Variants in TENM3 observed in about 807,000 individuals in gnomAD.
TENM3 encodes teneurin-3.
Under a neutral mutation model 255.1 loss-of-function variants are expected in TENM3, and 63 were observed. The observed-to-expected ratio is 0.25, with a 90% confidence interval of 0.20 to 0.30. The LOEUF (loss-of-function observed/expected upper bound fraction) is 0.30. TENM3 is among the 10% of genes least tolerant of loss of function. The pLI is 1.00. For synonymous variants in TENM3, 1,306 were observed against 1,322.3 expected (o/e 0.99, Z 0.27); for missense variants, 2,929 against 3,461.1 (o/e 0.85, Z 3.86).
chr4:182,513,400 T>A (rs1229165247), intron 3 of TENM3, among the ~76,000 whole-genome samples: 3 of 151,926 alleles, frequency 2.0e-5, no homozygotes, highest in Non-Finnish European at 4.4e-5. Context: ...ATATTAGTGA[T>A]AGGATTATGG....
At chr4:182,494,200 T>C (rs1735550313) in intron 3 of TENM3, among the ~76,000 whole-genome samples, 1 of 152,156 alleles carries the variant, frequency 6.6e-6, no homozygotes, top group Non-Finnish European at 1.5e-5. Context: ...AAGACATCAG[T>C]GTATGATATT....
At chr4:182,536,326 C>G (rs970055992) in intron 3 of TENM3, among the ~76,000 whole-genome samples, 33 of 152,172 alleles carry the variant, frequency 2.2e-4, no homozygotes, top group African/African-American at 6.3e-4. Flanking sequence ...TTTCTTCTAT[C>G]AGTGTGGCCA....
chr4:181,989,254 G>A, the TENM3 span, among the ~76,000 whole-genome samples: 1 of 152,006 alleles, frequency 6.6e-6, no homozygotes, highest in Non-Finnish European at 1.5e-5. Context: ...ACAGACACTA[G>A]AAAAACAAGG....
At chr4:181,946,025 A>G in the TENM3 span, among the ~76,000 whole-genome samples, 139 of 152,164 alleles carry the variant, frequency 9.1e-4, 1 homozygote, top group African/African-American at 3.2e-3. Flanking sequence ...CCTATTTATC[A>G]TAAAGATAAT....
In TENM3 at chr4:182,237,731, C is replaced by T. The variant is rs868201530; in HGVS notation, c.-75-86215C>T. Among the ~76,000 whole-genome samples, 62 of 152,312 alleles carry T rather than the reference C, an allele frequency of 4.1e-4. No homozygotes were observed. The Middle Eastern group carries it at 0.014, about 33-fold the overall frequency. The stretch of plus-strand genomic sequence containing the variant: ...TCTGAGGCCATACCTGGCAATTAAA[C>T]ATGTTAACATTTCTTCCATAAAACT... On this transcript the variant is annotated intron_variant, in intron 1 of 2. Transcript: ENST00000512480.
chr4:182,362,238 C>T (rs1421929543), intron 3 of TENM3, among the ~76,000 whole-genome samples: 4 of 152,138 alleles, frequency 2.6e-5, no homozygotes, highest in Non-Finnish European at 5.9e-5. Context: ...AGAACCACTG[C>T]TCTCTTCAAA....
the TENM3 span, among the ~76,000 whole-genome samples, chr4:181,916,732 C>A: frequency 9.9e-5 from 15 of 152,160 alleles, no homozygotes; most frequent in African/African-American, 3.1e-4. Flanking sequence ...CAAAAATTAG[C>A]TGGGCATGGT....
At chr4:181,569,622 C>G in the TENM3 span, among the ~76,000 whole-genome samples, 1 of 152,176 alleles carries the variant, frequency 6.6e-6, no homozygotes, top group African/African-American at 2.4e-5. Context: ...GTGTACTAAC[C>G]CTGTAAAAGT....
At chr4:182,575,118 C>T (rs1312385479) in intron 3 of TENM3, among the ~76,000 whole-genome samples, 1 of 152,160 alleles carries the variant, frequency 6.6e-6, no homozygotes, top group Admixed American at 6.5e-5. Flanking sequence ...AATACACACA[C>T]ACACACCAGG....
chr4:181,756,806 C>A, the TENM3 span, among the ~76,000 whole-genome samples: 1 of 152,212 alleles, frequency 6.6e-6, no homozygotes, highest in African/African-American at 2.4e-5. Context: ...CACTATTATG[C>A]TCAGGACTGC....
At chr4:182,442,785 T>C (rs182666552) in intron 3 of TENM3, among the ~76,000 whole-genome samples, 1 of 148,038 alleles carries the variant, frequency 6.8e-6, no homozygotes, top group Non-Finnish European at 1.5e-5. Flanking sequence ...TGTGTGTACA[T>C]ATGTGTGTGT....
intron 1 of TENM3, among the ~76,000 whole-genome samples, chr4:182,290,542 G>A (rs954722805): frequency 4.0e-5 from 6 of 151,572 alleles, no homozygotes; most frequent in South Asian, 2.1e-4. Context: ...TTGCTTTGTC[G>A]CCCAGGCAGG....
chr4:181,625,656 C>CA, the TENM3 span, among the ~76,000 whole-genome samples: 51 of 151,374 alleles, frequency 3.4e-4, no homozygotes, highest in Admixed American at 6.6e-4. Flanking sequence ...ACTAGAAATA[C>CA]AAAAAAAATT....
chr4:181,879,862 C>T, the TENM3 span, among the ~76,000 whole-genome samples: 2 of 151,756 alleles, frequency 1.3e-5, no homozygotes, highest in Admixed American at 6.6e-5. Context: ...CTGCAAGCGT[C>T]ATGCACATAA....
chr4:181,859,762 T>C, the TENM3 span, among the ~76,000 whole-genome samples: 1 of 152,186 alleles, frequency 6.6e-6, no homozygotes, highest in East Asian at 1.9e-4. Context: ...TTTATCTTAA[T>C]TGATCATATG....
chr4:181,544,892 T>G, the TENM3 span, among the ~76,000 whole-genome samples: 9,100 of 152,260 alleles, frequency 0.06, 601 homozygotes, highest in African/African-American at 0.16. Flanking sequence ...CTGACAAATG[T>G]TTTTGCTTTT....
the TENM3 span, among the ~76,000 whole-genome samples, chr4:181,917,475 T>C: frequency 1.3e-5 from 2 of 152,078 alleles, no homozygotes; most frequent in Admixed American, 1.3e-4. Flanking sequence ...ATCTGTTTCT[T>C]GGAGATAAAA....
chr4:182,752,831 A>G (rs1210646341), intron 20 of TENM3, among the ~76,000 whole-genome samples: 3 of 152,160 alleles, frequency 2.0e-5, no homozygotes, highest in African/African-American at 4.8e-5. Context: ...TAATTTATAG[A>G]CCACAACATT....
chr4:181,477,453 G>A, the TENM3 span, among the ~76,000 whole-genome samples: 1 of 151,958 alleles, frequency 6.6e-6, no homozygotes, highest in Non-Finnish European at 1.5e-5. Context: ...AATTGAATTA[G>A]AATAAACTTT....
Sources: allele counts gnomAD v4.1 joint callset (sites outside exome capture counted in the v4.1 genomes callset), GRCh38; gene constraint gnomAD v4.1.1; transcripts MANE v1.5; gene names NCBI Gene and HGNC (gene_info 2026-07-23, HGNC 2026-07-21).